CD247: variants seen among roughly 807,000 people sequenced by gnomAD.
CD247 encodes the protein CD247 molecule, also known as T-cell surface glycoprotein CD3 zeta chain.
In CD247, 13 loss-of-function variants were observed where a neutral mutation model predicts 30.0. The observed-to-expected ratio is 0.43, with a 90% CI of 0.28 to 0.69. The LOEUF (loss-of-function observed/expected upper bound fraction) is 0.69, where lower values mean the gene tolerates loss of function less well. Among genes scored for constraint, CD247 ranks in the 30% least tolerant of loss-of-function variants. CD247 has a pLI of 0.16. For synonymous variants in CD247, 72 were observed against 80.0 expected (o/e 0.90, Z 0.53); for missense variants, 193 against 212.6 (o/e 0.91, Z 0.57).
chr1:167,464,971 T>G (rs1653174585), intron 1 of CD247, among the ~76,000 whole-genome samples: 2 of 152,166 alleles, frequency 1.3e-5, no homozygotes, highest in Admixed American at 1.3e-4. Flanking sequence ...GAGAGCCACA[T>G]AGTATTATTC....
chr1:167,462,670 C>T (rs928795160), intron 1 of CD247, among the ~76,000 whole-genome samples: 3 of 152,192 alleles, frequency 2.0e-5, no homozygotes, highest in South Asian at 4.1e-4. Flanking sequence ...GGGCCATTTC[C>T]CCCACCTGAG....
At chr1:167,444,024 C>T (rs1348173836) in intron 1 of CD247, among the ~76,000 whole-genome samples, 1 of 152,190 alleles carries the variant, frequency 6.6e-6, no homozygotes, top group Non-Finnish European at 1.5e-5. Context: ...CTCTGGATTG[C>T]GTGCAGGTGG....
chr1:167,479,505 G>T (rs764417622), intron 1 of CD247, among the ~76,000 whole-genome samples: 4 of 152,152 alleles, frequency 2.6e-5, no homozygotes, highest in African/African-American at 4.8e-5. Flanking sequence ...GCCTCCATCT[G>T]CCACACACTA....
intron 1 of CD247, among the ~76,000 whole-genome samples, chr1:167,499,789 A>T (rs548970477): frequency 7.2e-5 from 11 of 152,180 alleles, no homozygotes; most frequent in African/African-American, 9.7e-5. Flanking sequence ...ATGGAATTCA[A>T]ACCCCAACTC....
intron 1 of CD247, among the ~76,000 whole-genome samples, chr1:167,441,589 C>G (rs1359642987): frequency 6.6e-6 from 1 of 152,218 alleles, no homozygotes. Flanking sequence ...CTCCATTTCT[C>G]TCCCTGAAAC....
chr1:167,466,533 T>C (rs1040882434), intron 1 of CD247, among the ~76,000 whole-genome samples: 11 of 152,224 alleles, frequency 7.2e-5, no homozygotes, highest in Non-Finnish European at 1.5e-5. Context: ...TCCCCTCAGT[T>C]TTAAGAGTCA....
At chr1:167,449,452 C>G (rs548128378) in intron 1 of CD247, among the ~76,000 whole-genome samples, 7 of 151,730 alleles carry the variant, frequency 4.6e-5, no homozygotes, top group Admixed American at 6.6e-5. Flanking sequence ...CCGAGCCCAG[C>G]CTTTGTGATC....
chr1:167,506,092 G>A (rs1655101063), intron 1 of CD247, among the ~76,000 whole-genome samples: 1 of 152,020 alleles, frequency 6.6e-6, no homozygotes, highest in Non-Finnish European at 1.5e-5. Flanking sequence ...TTCTCCCCTG[G>A]TAAAATCCAG....
chr1:167,470,080 A>G (rs753259811), intron 1 of CD247, among the ~76,000 whole-genome samples: 3 of 151,896 alleles, frequency 2.0e-5, no homozygotes, highest in Non-Finnish European at 4.4e-5. Flanking sequence ...TGCCCAGCTA[A>G]TTTTTGTATT....
chr1:167,443,520 G>C (rs1224416731), intron 1 of CD247, among the ~76,000 whole-genome samples: 4 of 152,208 alleles, frequency 2.6e-5, no homozygotes, highest in African/African-American at 9.6e-5. Flanking sequence ...CGATTTATGG[G>C]ACTGGTTGAG....
Position 167,430,693 on chromosome 1 carries a change from G to C in CD247, c.*988C>G. On this transcript the variant is annotated 3_prime_UTR_variant, in exon 8 of 8. Coordinates refer to ENST00000362089, the MANE Select transcript of CD247 (RefSeq NM_198053.3). ...AAAATAGGAAGGCTTTAGCATGCCA[G>C]TATAAATTAAAACAGTAGAAAAAAA... is the stretch of plus-strand genomic sequence containing the variant. 2.5e-6 allele frequency: 1 copy of C among 398,686 alleles called. No homozygotes were observed. The highest frequency in any genetic ancestry group is 3.6e-5 in the East Asian group (1 of 28,080). 24.7% of individuals were successfully genotyped at this position (398,686 alleles called of 1,614,324 possible). A position where few individuals can be genotyped will look rare whatever the true frequency, so the allele number is the denominator to read the frequency against.
At chr1:167,444,394 A>G (rs1651975713) in intron 1 of CD247, among the ~76,000 whole-genome samples, 1 of 152,122 alleles carries the variant, frequency 6.6e-6, no homozygotes, top group South Asian at 2.1e-4. Context: ...ATTCCATCCC[A>G]AAGGGACCAG....
intron 1 of CD247, among the ~76,000 whole-genome samples, chr1:167,484,575 G>A (rs527871295): frequency 1.3e-5 from 2 of 152,298 alleles, no homozygotes; most frequent in Admixed American, 1.3e-4. Flanking sequence ...TCAGGAGTTC[G>A]AGACCAGCCT....
chr1:167,448,445 A>G (rs1652193691), intron 1 of CD247: 1 of 984,892 alleles, frequency 1.0e-6, no homozygotes, highest in African/African-American at 1.8e-5. Context: ...CATATTCTTG[A>G]CTCTACAATT....
rs1441216038 is a variant in CD247 at position 167,430,662 on chromosome 1, T to C, written c.*1019A>G. 1 of 398,690 alleles carries C rather than the reference T, an allele frequency of 2.5e-6. No individual in the cohort carries two copies. The highest frequency in any genetic ancestry group is 4.4e-6 in the Non-Finnish European group (1 of 226,070). 24.7% of individuals were successfully genotyped at this position (398,690 alleles called of 1,614,324 possible). On this transcript the variant is annotated 3_prime_UTR_variant, in exon 8 of 8. Coordinates refer to ENST00000362089, the MANE Select transcript of CD247 (RefSeq NM_198053.3). ...AGCTGCATTTTCACTGAAGCATTTATTATGCAAAATAGGAAGGCTTTAGCA... is the reference window on the plus strand; with the variant it reads ...AGCTGCATTTTCACTGAAGCATTTACTATGCAAAATAGGAAGGCTTTAGCA...
intron 1 of CD247, among the ~76,000 whole-genome samples, chr1:167,485,387 G>A (rs977546969): frequency 5.9e-5 from 9 of 152,152 alleles, no homozygotes; most frequent in Admixed American, 3.9e-4. Flanking sequence ...TGGCCTGACC[G>A]CTTGACATTG....
chr1:167,514,610 A>AT (rs397933635), intron 1 of CD247, among the ~76,000 whole-genome samples: 18,881 of 149,546 alleles, frequency 0.13, 1,257 homozygotes, highest in South Asian at 0.23. Context: ...GACCGGTTTA[A>AT]TTTTTTTTTT....
intron 1 of CD247, among the ~76,000 whole-genome samples, chr1:167,461,996 G>A (rs1452120437): frequency 2.6e-5 from 4 of 152,178 alleles, no homozygotes; most frequent in African/African-American, 9.7e-5. Context: ...AGGTGTGCCT[G>A]ATAGGATGCT....
chr1:167,460,174 G>A (rs1286369704), intron 1 of CD247, among the ~76,000 whole-genome samples: 2 of 152,160 alleles, frequency 1.3e-5, no homozygotes, highest in African/African-American at 4.8e-5. Context: ...GGCTGAGGTG[G>A]GAGGATGGCT....
Sources: allele counts gnomAD v4.1 joint callset (sites outside exome capture counted in the v4.1 genomes callset), GRCh38; gene constraint gnomAD v4.1.1; transcripts MANE v1.5; gene names NCBI Gene and HGNC (gene_info 2026-07-23, HGNC 2026-07-21).